TAFA1: variants seen among roughly 807,000 people sequenced by gnomAD.
TAFA1 encodes TAFA chemokine like family member 1.
A neutral mutation model predicts 18.5 loss-of-function variants in TAFA1; 4 were observed. That is an observed-to-expected ratio of 0.22 (90% confidence interval 0.11 to 0.49). The LOEUF (loss-of-function observed/expected upper bound fraction) is 0.49. Among genes scored for constraint, TAFA1 ranks in the 20% least tolerant of loss-of-function variants. The pLI is 0.98. For missense variants in TAFA1, 147 were observed against 169.0 expected, an observed-to-expected ratio of 0.87 and a Z score of 0.72; for synonymous variants, 56 against 55.2, an observed-to-expected ratio of 1.01 and a Z score of -0.06.
At chr3:68,243,552 A>G (rs2067030170) in intron 2 of TAFA1, among the ~76,000 whole-genome samples, 1 of 152,158 alleles carries the variant, frequency 6.6e-6, no homozygotes, top group Non-Finnish European at 1.5e-5. Flanking sequence ...ATCATATCGT[A>G]TATACCCTTT....
At chr3:68,011,578 T>C (rs1704472412) in intron 2 of TAFA1, among the ~76,000 whole-genome samples, 1 of 152,224 alleles carries the variant, frequency 6.6e-6, no homozygotes, top group Non-Finnish European at 1.5e-5. Context: ...GCTCAGAGAA[T>C]ATGCAGTAGA....
chr3:68,095,604 T>C (rs2065078890), intron 2 of TAFA1, among the ~76,000 whole-genome samples: 1 of 152,102 alleles, frequency 6.6e-6, no homozygotes, highest in Admixed American at 6.6e-5. Flanking sequence ...GCTGAGGAAA[T>C]ATTTGTAAGA....
chr3:68,500,713 A>AG (rs1272955845), intron 3 of TAFA1, among the ~76,000 whole-genome samples: 2 of 151,340 alleles, frequency 1.3e-5, no homozygotes, highest in East Asian at 1.9e-4. Context: ...TATGGAAAAA[A>AG]AAAAGTTTGC....
chr3:68,233,790 A>G (rs1160231676), intron 2 of TAFA1, among the ~76,000 whole-genome samples: 2 of 152,182 alleles, frequency 1.3e-5, no homozygotes, highest in African/African-American at 2.4e-5. Flanking sequence ...GAAACTGTCT[A>G]TACCAGAAGG....
chr3:68,045,901 A>T (rs1354089065), intron 2 of TAFA1, among the ~76,000 whole-genome samples: 4 of 152,194 alleles, frequency 2.6e-5, no homozygotes, highest in Non-Finnish European at 5.9e-5. Flanking sequence ...TTCATAACTG[A>T]CTATGAGCTG....
At chr3:68,428,381 T>C (rs1220290519) in intron 3 of TAFA1, among the ~76,000 whole-genome samples, 4 of 151,930 alleles carry the variant, frequency 2.6e-5, no homozygotes, top group African/African-American at 9.7e-5. Flanking sequence ...AGACCATCCA[T>C]TAACAGCAGC....
intron 2 of TAFA1, among the ~76,000 whole-genome samples, chr3:68,342,081 T>C (rs1337420844): frequency 6.6e-6 from 1 of 152,182 alleles, no homozygotes; most frequent in Non-Finnish European, 1.5e-5. Flanking sequence ...GGTGGAAGGC[T>C]TCCACCCTTT....
intron 2 of TAFA1, among the ~76,000 whole-genome samples, chr3:68,309,100 G>T (rs1020711655): frequency 6.6e-6 from 1 of 152,026 alleles, no homozygotes; most frequent in African/African-American, 2.4e-5. Flanking sequence ...GAGCTCAAAA[G>T]TCTTCCTAAT....
chr3:68,153,090 G>C (rs1045034595), intron 2 of TAFA1, among the ~76,000 whole-genome samples: 1 of 152,142 alleles, frequency 6.6e-6, no homozygotes, highest in African/African-American at 2.4e-5. Context: ...TCTCACTCAT[G>C]AATGGACAAA....
At chr3:68,145,278 C>G (rs2065724697) in intron 2 of TAFA1, 9 of 788,866 alleles carry the variant, frequency 1.1e-5, no homozygotes, top group Middle Eastern at 4.9e-4. Flanking sequence ...ATCTATACAA[C>G]CATCAACGCT....
At chr3:68,100,114 G>T (rs2065131262) in intron 2 of TAFA1, among the ~76,000 whole-genome samples, 1 of 151,906 alleles carries the variant, frequency 6.6e-6, no homozygotes, top group South Asian at 2.1e-4. Context: ...ATATACCCAG[G>T]AAACAAACCT....
chr3:68,008,815 G>A (rs952327376), intron 2 of TAFA1, among the ~76,000 whole-genome samples: 5 of 152,140 alleles, frequency 3.3e-5, no homozygotes, highest in Non-Finnish European at 5.9e-5. Flanking sequence ...AGGGGGAAAG[G>A]CAGGGCTCGG....
intron 2 of TAFA1, among the ~76,000 whole-genome samples, chr3:68,176,159 C>T (rs781464787): frequency 2.2e-4 from 34 of 152,208 alleles, no homozygotes; most frequent in African/African-American, 4.8e-4. Context: ...TTATCAGCAG[C>T]ATGAAAATGG....
At chr3:68,082,369 T>C (rs1458052968) in intron 2 of TAFA1, among the ~76,000 whole-genome samples, 3 of 152,206 alleles carry the variant, frequency 2.0e-5, no homozygotes, top group African/African-American at 7.2e-5. Context: ...AATTTATTCC[T>C]CATTTTTTTC....
chr3:68,427,601 G>T (rs1267834769), intron 3 of TAFA1, among the ~76,000 whole-genome samples: 2 of 151,760 alleles, frequency 1.3e-5, no homozygotes, highest in Non-Finnish European at 2.9e-5. Context: ...AAAAATTAAT[G>T]ATATATATGT....
chr3:68,322,674 C>T (rs900999727), intron 2 of TAFA1, among the ~76,000 whole-genome samples: 7 of 151,978 alleles, frequency 4.6e-5, no homozygotes, highest in East Asian at 1.9e-4. Context: ...AGGGGCCGGG[C>T]GCTCATGCCT....
chr3:68,070,965 A>C (rs2064747360), intron 2 of TAFA1, among the ~76,000 whole-genome samples: 1 of 152,198 alleles, frequency 6.6e-6, no homozygotes, highest in South Asian at 2.1e-4. Context: ...GGGAGTTCCA[A>C]ACTTCCCCAC....
chr3:68,287,536 A>G (rs2068031190), intron 2 of TAFA1, among the ~76,000 whole-genome samples: 1 of 152,106 alleles, frequency 6.6e-6, no homozygotes, highest in Non-Finnish European at 1.5e-5. Context: ...TGTCCCTTAA[A>G]GTCCAGAAGC....
At chr3:68,385,794 A>T (rs754597308) in intron 2 of TAFA1, among the ~76,000 whole-genome samples, 1 of 151,876 alleles carries the variant, frequency 6.6e-6, no homozygotes, top group Non-Finnish European at 1.5e-5. Flanking sequence ...TGTCTTTTCA[A>T]ATTTTTTTAT....
Sources: gnomAD v4.1 joint callset for allele counts (sites outside exome capture counted in the v4.1 genomes callset) on GRCh38, gnomAD v4.1.1 for gene constraint, MANE v1.5 for transcripts, NCBI Gene and HGNC (gene_info 2026-07-23, HGNC 2026-07-21) for gene names.